MAML2: variants seen among roughly 807,000 people sequenced by gnomAD.
The protein encoded by MAML2 is mastermind-like protein 2.
In MAML2, 22 loss-of-function variants were observed where a neutral mutation model predicts 96.1. The ratio of observed to expected loss-of-function variants is 0.23; its 90% CI spans 0.16 to 0.33. MAML2 has a LOEUF of 0.33. MAML2 is among the 10% of genes least tolerant of loss of function. The pLI, the probability that MAML2 is intolerant of heterozygous loss-of-function variation, is 1.00. For synonymous variants in MAML2, 561 were observed against 521.3 expected, an observed-to-expected ratio of 1.08 and a Z score of -1.04; for missense variants, 1,367 against 1,392.4, an observed-to-expected ratio of 0.98 and a Z score of 0.29.
rs144311860 is a variant in MAML2, at chr11:96,290,056, C to A, written c.513+51327G>T. Reference sequence around the variant, plus strand: ...TTTTTATTACTTTGTTAGCCGTTGGCAGAGAATGAACATTGAGTATCTTTG... The same window carrying A: ...TTTTTATTACTTTGTTAGCCGTTGGAAGAGAATGAACATTGAGTATCTTTG... On this transcript the variant is annotated intron_variant, in intron 1 of 4. Transcript: ENST00000524717. Among the ~76,000 whole-genome samples, 93 of 152,244 alleles carry A rather than the reference C, an allele frequency of 6.1e-4. 1 individual carries two copies. Among genetic ancestry groups the A allele is most frequent in the African/African-American group, 2.2e-3 (90 of 41,564 alleles).
intron 1 of MAML2, among the ~76,000 whole-genome samples, chr11:96,182,468 A>G (rs1861502005): frequency 6.6e-6 from 1 of 152,124 alleles, no homozygotes; most frequent in South Asian, 2.1e-4. Context: ...TTCCCTCATC[A>G]TAGAATTAAA....
intron 2 of MAML2, among the ~76,000 whole-genome samples, chr11:96,084,418 G>T (rs1212850747): frequency 6.6e-6 from 1 of 152,160 alleles, no homozygotes; most frequent in Non-Finnish European, 1.5e-5. Flanking sequence ...CAGGAACAAT[G>T]GTCAGAAGCT....
intron 2 of MAML2, among the ~76,000 whole-genome samples, chr11:96,037,205 C>CA (rs1365940764): frequency 0.014 from 2,145 of 151,084 alleles, 47 homozygotes; most frequent in African/African-American, 0.047. Flanking sequence ...ACAACAACAA[C>CA]AAAAAAAATA....
chr11:96,317,841 T>C (rs1047517490), intron 1 of MAML2, among the ~76,000 whole-genome samples: 1 of 152,172 alleles, frequency 6.6e-6, no homozygotes, highest in Admixed American at 6.5e-5. Flanking sequence ...GATGACTTAT[T>C]TGCAGAGCAT....
chr11:96,178,996 GTACACGTGCC>G (rs2135908521), intron 1 of MAML2, among the ~76,000 whole-genome samples: 1 of 152,276 alleles, frequency 6.6e-6, no homozygotes, highest in East Asian at 1.9e-4. Flanking sequence ...GCTGCAGGCT[GTACACGTGCC>G]TGAATTTGAT....
chr11:96,024,152 T>C (rs998954438), intron 2 of MAML2, among the ~76,000 whole-genome samples: 28 of 152,254 alleles, frequency 1.8e-4, no homozygotes, highest in Non-Finnish European at 8.8e-5. Flanking sequence ...TTTTAATAGA[T>C]GATTAAAAAT....
At chr11:96,007,365 T>C (rs1330771715) in intron 2 of MAML2, among the ~76,000 whole-genome samples, 1 of 152,126 alleles carries the variant, frequency 6.6e-6, no homozygotes, top group Non-Finnish European at 1.5e-5. Flanking sequence ...TAGTATATCT[T>C]TGGGTTCACA....
chr11:96,327,902 C>T (rs1443229244), intron 1 of MAML2, among the ~76,000 whole-genome samples: 2 of 151,852 alleles, frequency 1.3e-5, no homozygotes, highest in African/African-American at 4.8e-5. Context: ...TCGAGACCAG[C>T]CTGGCCAACG....
intron 1 of MAML2, among the ~76,000 whole-genome samples, chr11:96,289,516 A>C (rs1009135301): frequency 6.6e-6 from 1 of 152,166 alleles, no homozygotes; most frequent in Non-Finnish European, 1.5e-5. Context: ...TGCATCTATA[A>C]ATGTAACTTT....
chr11:96,202,318 T>G (rs1450180969), intron 1 of MAML2, among the ~76,000 whole-genome samples: 2 of 139,076 alleles, frequency 1.4e-5, no homozygotes, highest in Non-Finnish European at 3.0e-5. Flanking sequence ...ACCACTGCAC[T>G]CCAGCCTGGG....
intron 2 of MAML2, among the ~76,000 whole-genome samples, chr11:96,032,726 T>G (rs1253691609): frequency 6.6e-6 from 1 of 152,100 alleles, no homozygotes; most frequent in Non-Finnish European, 1.5e-5. Flanking sequence ...AAGAATTGAA[T>G]TACTGATATA....
intron 1 of MAML2, among the ~76,000 whole-genome samples, chr11:96,156,122 G>A (rs561369326): frequency 8.5e-5 from 13 of 152,176 alleles, no homozygotes; most frequent in Admixed American, 5.9e-4. Context: ...CTTCGCCTCC[G>A]TAACCCAGGG....
intron 1 of MAML2, among the ~76,000 whole-genome samples, chr11:96,156,293 C>T (rs550767642): frequency 2.4e-4 from 36 of 152,324 alleles, no homozygotes; most frequent in African/African-American, 8.2e-4. Context: ...CCTCCTCCGC[C>T]CCTCACACAC....
At chr11:96,249,555 A>C (rs1357765033) in intron 1 of MAML2, among the ~76,000 whole-genome samples, 2 of 152,074 alleles carry the variant, frequency 1.3e-5, no homozygotes, top group African/African-American at 4.8e-5. Flanking sequence ...ATATCCCTCC[A>C]GCTCAATAAA....
chr11:96,069,148 T>C (rs900639719), intron 2 of MAML2, among the ~76,000 whole-genome samples: 5 of 152,010 alleles, frequency 3.3e-5, no homozygotes, highest in African/African-American at 4.8e-5. Context: ...GGCTGGTCTG[T>C]AACTTCTGGC....
At chr11:96,237,133 C>G (rs1478049727) in intron 1 of MAML2, among the ~76,000 whole-genome samples, 3 of 152,210 alleles carry the variant, frequency 2.0e-5, no homozygotes, top group Non-Finnish European at 4.4e-5. Context: ...ATTATTGTAG[C>G]TATGGTTCTC....
At chr11:96,065,801 C>T (rs1196488085) in intron 2 of MAML2, among the ~76,000 whole-genome samples, 1 of 152,198 alleles carries the variant, frequency 6.6e-6, no homozygotes, top group Non-Finnish European at 1.5e-5. Flanking sequence ...CAGAGCCCAT[C>T]TGACTACAAA....
At chr11:96,108,205 G>A (rs1215228044) in intron 1 of MAML2, among the ~76,000 whole-genome samples, 1 of 152,186 alleles carries the variant, frequency 6.6e-6, no homozygotes, top group African/African-American at 2.4e-5. Context: ...CCCAGTTCGT[G>A]TCAGCTGGAA....
intron 1 of MAML2, among the ~76,000 whole-genome samples, chr11:96,171,864 A>G (rs1191872207): frequency 6.6e-6 from 1 of 152,232 alleles, no homozygotes; most frequent in South Asian, 2.1e-4. Flanking sequence ...CACCTTCTCC[A>G]TTCTCAGCAG....
Sources: gnomAD v4.1 joint callset for allele counts (sites outside exome capture counted in the v4.1 genomes callset) on GRCh38, gnomAD v4.1.1 for gene constraint, MANE v1.5 for transcripts, NCBI Gene and HGNC (gene_info 2026-07-23, HGNC 2026-07-21) for gene names.